The following FGF7 variants were observed in gnomAD, a reference collection of about 807,000 sequenced individuals.
FGF7 encodes FGF-7.
A neutral mutation model predicts 20.5 loss-of-function variants in FGF7; 6 were observed. That is an observed-to-expected ratio of 0.29 (90% CI 0.16 to 0.58). The LOEUF is 0.58. FGF7 is among the 20% of genes least tolerant of loss of function. FGF7 has a pLI of 0.90. For synonymous variants in FGF7, 64 were observed against 74.7 expected (o/e 0.86, Z 0.74); for missense variants, 144 against 228.8 (o/e 0.63, Z 2.39).
chr15:49,462,789 G>C (rs558301526), intron 2 of FGF7, among the ~76,000 whole-genome samples: 45 of 152,258 alleles, frequency 3.0e-4, no homozygotes, highest in African/African-American at 9.4e-4. Context: ...GCTTAGACTA[G>C]TGAAGACTTT....
chr15:49,444,708 G>A (rs913977977), intron 2 of FGF7, among the ~76,000 whole-genome samples: 2 of 151,346 alleles, frequency 1.3e-5, no homozygotes, highest in East Asian at 1.9e-4. Flanking sequence ...CATATGTTCC[G>A]GGGTCTGTCT....
At chr15:49,470,329 G>T (rs904020323) in intron 2 of FGF7, among the ~76,000 whole-genome samples, 1 of 152,026 alleles carries the variant, frequency 6.6e-6, no homozygotes, top group Non-Finnish European at 1.5e-5. Context: ...AGTCAGATAT[G>T]AAATTTTTTG....
intron 2 of FGF7, among the ~76,000 whole-genome samples, chr15:49,475,614 A>T (rs894105685): frequency 1.3e-5 from 2 of 151,964 alleles, no homozygotes; most frequent in African/African-American, 4.8e-5. Context: ...AAATTTATTA[A>T]TTTTTTCATA....
At chr15:49,453,480 C>A (rs12903654) in intron 2 of FGF7, among the ~76,000 whole-genome samples, 1 of 152,034 alleles carries the variant, frequency 6.6e-6, no homozygotes, top group Non-Finnish European at 1.5e-5. Flanking sequence ...GCATGTTTTT[C>A]CTTTACAACA....
intron 2 of FGF7, among the ~76,000 whole-genome samples, chr15:49,467,172 T>C (rs1016245042): frequency 1.3e-5 from 2 of 152,186 alleles, no homozygotes; most frequent in Non-Finnish European, 2.9e-5. Flanking sequence ...AGTGGATGTG[T>C]AGTTTATCAT....
At chr15:49,459,318 A>C (rs1210519866) in intron 2 of FGF7, among the ~76,000 whole-genome samples, 1 of 152,210 alleles carries the variant, frequency 6.6e-6, no homozygotes, top group Non-Finnish European at 1.5e-5. Flanking sequence ...GGAGCAGCAC[A>C]CCATGTGATG....
intron 2 of FGF7, among the ~76,000 whole-genome samples, chr15:49,471,872 T>C (rs571207209): frequency 6.4e-4 from 98 of 152,270 alleles, no homozygotes; most frequent in Non-Finnish European, 1.2e-3. Flanking sequence ...GCTAACTAAA[T>C]GCTGACACAT....
chr15:49,465,286 T>C (rs2054165441), intron 2 of FGF7, among the ~76,000 whole-genome samples: 1 of 149,760 alleles, frequency 6.7e-6, no homozygotes, highest in Non-Finnish European at 1.5e-5. Flanking sequence ...CCTGCCACCA[T>C]GTCTGGCTTT....
chr15:49,468,669 C>G (rs565260171), intron 2 of FGF7, among the ~76,000 whole-genome samples: 1 of 152,208 alleles, frequency 6.6e-6, no homozygotes, highest in East Asian at 1.9e-4. Context: ...TTTGTGTTGC[C>G]CCTTCAAAGT....
At position 49,423,271 on chromosome 15, in the gene FGF7, C is replaced by T. The variant is rs2049846568; in HGVS notation, c.-436C>T. ...ACACACACAAGCACACACGCGCTCACACACAGAGAGAAAATCCTTCTGCCT... is the reference window on the plus strand; with the variant it reads ...ACACACACAAGCACACACGCGCTCATACACAGAGAGAAAATCCTTCTGCCT... On this transcript the variant is annotated 5_prime_UTR_variant, in exon 1 of 4. Coordinates refer to ENST00000267843, the MANE Select transcript of FGF7 (RefSeq NM_002009.4). 6.6e-6 allele frequency: 1 copy of T among 152,154 alleles called. No individual in the cohort carries two copies. The highest frequency in any genetic ancestry group is 2.4e-5 in the African/African-American group (1 of 41,434). The allele number at this position is 152,154 out of a possible 1,614,324, so 9.4% of individuals were successfully genotyped here.
At chr15:49,436,672 C>T (rs868604484) in intron 2 of FGF7, among the ~76,000 whole-genome samples, 2 of 146,154 alleles carry the variant, frequency 1.4e-5, no homozygotes, top group Admixed American at 6.9e-5. Flanking sequence ...GGAGATTTGG[C>T]TCACAGAATT....
chr15:49,423,989 C>T, intron 1 of FGF7, 43 bp from the exon 2 acceptor site: 1 of 252,750 alleles, frequency 4.0e-6, no homozygotes, highest in African/African-American at 2.2e-5. Flanking sequence ...TTTTATCTTC[C>T]TCTCTCCTCC....
chr15:49,483,101 TTTGCAA>T (rs752001138), intron 2 of FGF7, 44 bp from the exon 3 acceptor site: 7 of 1,031,100 alleles, frequency 6.8e-6, no homozygotes, highest in Non-Finnish European at 1.1e-5. Flanking sequence ...TCGTGGATCA[TTTGCAA>T]AACTGAACGA....
intron 2 of FGF7, among the ~76,000 whole-genome samples, chr15:49,463,565 A>AT (rs1425283667): frequency 6.6e-6 from 1 of 151,766 alleles, no homozygotes; most frequent in Non-Finnish European, 1.5e-5. Context: ...AAAAAAAAAA[A>AT]ATATCCAAAC....
At chr15:49,447,397 G>A (rs562974491) in intron 2 of FGF7, among the ~76,000 whole-genome samples, 15 of 151,778 alleles carry the variant, frequency 9.9e-5, no homozygotes, top group African/African-American at 3.6e-4. Flanking sequence ...GAGCTAGTTA[G>A]TGATAGAGTC....
At chr15:49,435,030 C>T (rs985032028) in intron 2 of FGF7, among the ~76,000 whole-genome samples, 1 of 151,190 alleles carries the variant, frequency 6.6e-6, no homozygotes, top group Non-Finnish European at 1.5e-5. Context: ...AATAAAAATA[C>T]ATTCATACAA....
chr15:49,425,498 T>G (rs1333647647), intron 2 of FGF7: 1 of 151,998 alleles, frequency 6.6e-6, no homozygotes, highest in African/African-American at 2.4e-5. Context: ...TTTGTTTACA[T>G]TACTAGCACT....
intron 2 of FGF7, among the ~76,000 whole-genome samples, chr15:49,454,937 G>T (rs150572486): frequency 2.2e-3 from 340 of 152,202 alleles, no homozygotes; most frequent in African/African-American, 8.0e-3. Context: ...ACTCTCTGCA[G>T]GCCTTCAGTC....
At chr15:49,461,650 A>G (rs537579660) in intron 2 of FGF7, among the ~76,000 whole-genome samples, 1 of 152,360 alleles carries the variant, frequency 6.6e-6, no homozygotes, top group African/African-American at 2.4e-5. Flanking sequence ...CAGATAGTGC[A>G]GGTACAATAT....
Sources: allele counts gnomAD v4.1 joint callset (sites outside exome capture counted in the v4.1 genomes callset), GRCh38; gene constraint gnomAD v4.1.1; transcripts MANE v1.5; gene names NCBI Gene and HGNC (gene_info 2026-07-23, HGNC 2026-07-21).